The following SERPINA3 variants were observed in gnomAD, a reference collection of about 807,000 sequenced individuals.
SERPINA3 encodes the protein serpin family A member 3, also known as alpha-1-antichymotrypsin.
In SERPINA3, 32 loss-of-function variants were observed where a neutral mutation model predicts 26.8. The ratio of observed to expected loss-of-function variants is 1.20; its 90% CI spans 0.90 to 1.61. SERPINA3 has a LOEUF of 1.61. Among genes scored for constraint, SERPINA3 ranks in the 40% most tolerant of loss-of-function variants. SERPINA3 has a pLI of 0.00. For missense variants in SERPINA3, 632 were observed against 517.9 expected, an observed-to-expected ratio of 1.22 and a Z score of -2.14; for synonymous variants, 252 against 206.4, an observed-to-expected ratio of 1.22 and a Z score of -1.89.
intron 1 of SERPINA3, among the ~76,000 whole-genome samples, chr14:94,612,900 TC>T (rs972549656): frequency 1.3e-5 from 2 of 152,044 alleles, no homozygotes; most frequent in African/African-American, 4.8e-5. Flanking sequence ...GAGCTCCACT[TC>T]CCCAAAAGGA....
rs772926850 is a variant in SERPINA3, at chr14:94,619,406, G to A, written c.855G>A (p.Glu285=). 2.5e-5 allele frequency: 40 copies of A among 1,614,196 alleles called. No homozygotes were observed. Among genetic ancestry groups the A allele is most frequent in the Middle Eastern group, 1.6e-4 (1 of 6,062 alleles). ...LFILPDQDKM[E]EVEAMLLPET... Reference sequence around the variant, plus strand: ...TCCTCCCTGATCAAGACAAGATGGAGGAAGTGGAAGCCATGCTGCTCCCAG... The same window carrying A: ...TCCTCCCTGATCAAGACAAGATGGAAGAAGTGGAAGCCATGCTGCTCCCAG... Residue 285 remains glutamate, a synonymous_variant, in exon 3 of 5, where the codon GAG becomes GAA. Transcript: ENST00000393078.
chr14:94,621,136 G>A (rs1414475145), intron 3 of SERPINA3, among the ~76,000 whole-genome samples: 3 of 152,064 alleles, frequency 2.0e-5, no homozygotes, highest in Non-Finnish European at 4.4e-5. Context: ...GACACCTCTC[G>A]GGATTGCCTG....
chr14:94,615,241 G>A (rs1465421483), intron 2 of SERPINA3, among the ~76,000 whole-genome samples, 157 bp downstream of exon 2: 1 of 152,214 alleles, frequency 6.6e-6, no homozygotes, highest in African/African-American at 2.4e-5. Flanking sequence ...CATAGGCATC[G>A]CCGTCTCCTG....
chr14:94,615,726 T>G (rs899343439), intron 2 of SERPINA3, among the ~76,000 whole-genome samples: 33 of 152,140 alleles, frequency 2.2e-4, no homozygotes, highest in Admixed American at 2.6e-4. Flanking sequence ...GCCTCAAGGG[T>G]GGGCAGTATA....
At position 94,622,402 on chromosome 14, in the gene SERPINA3, A is replaced by C. The variant is rs759959289; in HGVS notation, c.979A>C (p.Ile327Leu). The C allele has an allele frequency of 6.2e-7, 1 of 1,613,942 alleles. No homozygotes were observed. Among genetic ancestry groups the C allele is most frequent in the Non-Finnish European group, 8.5e-7 (1 of 1,180,002 alleles). Residue 327 changes from isoleucine to leucine, a missense_variant, in exon 4 of 5, where the codon ATA becomes CTA. By Grantham distance (5) the Ile-to-Leu change is conservative. Coordinates refer to ENST00000393078, the MANE Select transcript of SERPINA3 (RefSeq NM_001085.5). ...CTCGAGGGACTATAACCTGAACGACATACTTCTCCAGCTGGGCATTGAGGA... is the reference window on the plus strand; with the variant it reads ...CTCGAGGGACTATAACCTGAACGACCTACTTCTCCAGCTGGGCATTGAGGA... Reference protein sequence around the residue: ...SISRDYNLNDILLQLGIEEAF... With the variant: ...SISRDYNLNDLLLQLGIEEAF...
Position 94,614,466 on chromosome 14 carries a change from G to A in SERPINA3, c.25G>A (p.Ala9Thr), listed in dbSNP as rs4934. 0.47 allele frequency: 756,688 copies of A among 1,613,324 alleles called. 182,455 individuals carry two copies. The highest frequency in any genetic ancestry group is 0.6 in the East Asian group (26,785 of 44,826). ...AATGGAGAGAATGTTACCTCTCCTG[G>A]CTCTGGGGCTCTTGGCGGCTGGGTT... is the stretch of plus-strand genomic sequence containing the variant. The part of the protein sequence containing the change: MERMLPLL[A>T]LGLLAAGFCP... The change falls in exon 2 of 5, where the codon GCT becomes ACT. Residue 9 changes from alanine (A) to threonine (T), a missense_variant. Physicochemically the swap from Ala to Thr is moderately conservative, Grantham distance 58. Transcript: ENST00000393078.
Position 94,615,049 on chromosome 14 carries a change from C to A in SERPINA3, c.608C>A (p.Thr203Lys), listed in dbSNP as rs1431288621. The stretch of plus-strand genomic sequence containing the variant: ...CTGATCAAGGACCTTGACTCGCAGA[C>A]AATGATGGTCCTGGTGAATTACATC... ...TDLIKDLDSQ[T>K]MMVLVNYIFF... The change falls in exon 2 of 5, where the codon ACA becomes AAA. Residue 203 changes from threonine to lysine, a missense_variant. Coordinates refer to ENST00000393078, the MANE Select transcript of SERPINA3 (RefSeq NM_001085.5). 6.2e-7 allele frequency: 1 copy of A among 1,614,150 alleles called. No homozygotes were observed.
At chr14:94,622,587 T>G in intron 4 of SERPINA3, 96 bp downstream of exon 4, 3 of 1,349,454 alleles carry the variant, frequency 2.2e-6, no homozygotes, top group Non-Finnish European at 3.1e-6. Flanking sequence ...CTTGGGTTAA[T>G]GCACGTGCAT....
intron 1 of SERPINA3, among the ~76,000 whole-genome samples, chr14:94,613,042 G>A (rs1756236354): frequency 6.6e-6 from 1 of 152,174 alleles, no homozygotes; most frequent in African/African-American, 2.4e-5. Flanking sequence ...TAATTCTGGA[G>A]AAAAATATTG....
At chr14:94,623,462 G>A (rs1024210214) in intron 4 of SERPINA3, 149 bp from the exon 5 acceptor site, 6 of 748,378 alleles carry the variant, frequency 8.0e-6, no homozygotes, top group Non-Finnish European at 1.4e-5. Flanking sequence ...AGTTGGCAGG[G>A]GAGTTGGGAG....
intron 4 of SERPINA3, 82 bp downstream of exon 4, chr14:94,622,573 T>C: frequency 1.3e-6 from 2 of 1,497,096 alleles, no homozygotes; most frequent in East Asian, 2.3e-5. Context: ...TGGGTACTCT[T>C]GAACTTGGGT....
chr14:94,615,391 A>G (rs148082938), intron 2 of SERPINA3: 7 of 496,950 alleles, frequency 1.4e-5, no homozygotes, highest in African/African-American at 9.7e-5. Context: ...TCTCCTTTCA[A>G]ACCACTCCAG....
At position 94,614,703 on chromosome 14, in the gene SERPINA3, T is replaced by C. The variant is rs1885919845; in HGVS notation, c.262T>C (p.Ser88Pro). The change falls in exon 2 of 5, where the codon TCT becomes CCT. Residue 88 changes from serine to proline, a missense_variant. Ser to Pro is a moderately conservative substitution (Grantham distance 74, BLOSUM62 -1). Coordinates refer to ENST00000393078, the MANE Select transcript of SERPINA3 (RefSeq NM_001085.5). ...LSISTALAFLSLGAHNTTLTE... is the reference protein window; with the variant it reads ...LSISTALAFLPLGAHNTTLTE... ...CATCTCCACCGCCTTGGCCTTCCTG[T>C]CTCTGGGGGCCCATAATACCACCCT... 2 of 1,614,046 alleles carry C rather than the reference T, an allele frequency of 1.2e-6. No homozygotes were observed. Among genetic ancestry groups the C allele is most frequent in the African/African-American group, 2.7e-5 (2 of 74,988 alleles).
At chr14:94,620,556 G>A (rs1396086108) in intron 3 of SERPINA3, among the ~76,000 whole-genome samples, 1 of 152,170 alleles carries the variant, frequency 6.6e-6, no homozygotes, top group African/African-American at 2.4e-5. Flanking sequence ...TGCGATCCGA[G>A]TGTTGTTTTA....
chr14:94,621,480 T>C (rs1372465311), intron 3 of SERPINA3, among the ~76,000 whole-genome samples: 3 of 152,102 alleles, frequency 2.0e-5, no homozygotes, highest in Non-Finnish European at 4.4e-5. Context: ...CAGAGTTTAA[T>C]GGAAGACACA....
At chr14:94,617,680 CT>C (rs1429473510) in intron 2 of SERPINA3, 2 of 152,298 alleles carry the variant, frequency 1.3e-5, no homozygotes, top group South Asian at 4.1e-4. Flanking sequence ...CTTTTGCTCC[CT>C]CATTTTAACC....
At chr14:94,619,583 A>G (rs1886128315) in intron 3 of SERPINA3, 115 bp downstream of exon 3, 1 of 1,345,250 alleles carries the variant, frequency 7.4e-7, no homozygotes, top group African/African-American at 1.4e-5. Flanking sequence ...TGGAATTTAC[A>G]CTTACTTTGC....
intron 3 of SERPINA3, chr14:94,619,863 A>G: frequency 7.5e-6 from 2 of 267,868 alleles, no homozygotes; most frequent in Admixed American, 4.8e-5. Flanking sequence ...CACTGTATTT[A>G]TTCATTCTCT....
rs751623497 is a variant in SERPINA3, at chr14:94,622,366, A to G, written c.943A>G (p.Lys315Glu). The G allele has an allele frequency of 1.9e-6, 3 of 1,613,990 alleles. No individual in the cohort carries two copies. Among genetic ancestry groups the G allele is most frequent in the Non-Finnish European group, 2.5e-6 (3 of 1,179,998 alleles). ...AGAGATAGGTGAGCTCTACCTGCCA[A>G]AGTTTTCCATCTCGAGGGACTATAA... ...FREIGELYLP[K>E]FSISRDYNLN... The change falls in exon 4 of 5, where the codon AAG becomes GAG. Residue 315 changes from lysine to glutamate, a missense_variant. By Grantham distance (56) the Lys-to-Glu change is moderately conservative (BLOSUM62 1). Coordinates refer to ENST00000393078, the MANE Select transcript of SERPINA3 (RefSeq NM_001085.5).
Sources: gnomAD v4.1 joint callset for allele counts (sites outside exome capture counted in the v4.1 genomes callset) on GRCh38, gnomAD v4.1.1 for gene constraint, MANE v1.5 for transcripts, NCBI Gene and HGNC (gene_info 2026-07-23, HGNC 2026-07-21) for gene names.